Variants in C1orf21 observed in about 807,000 individuals in gnomAD.
C1orf21 encodes the protein uncharacterized protein C1orf21.
In C1orf21, 3 loss-of-function variants were observed where a neutral mutation model predicts 18.7. The ratio of observed to expected loss-of-function variants is 0.16; its 90% CI spans 0.07 to 0.42. The LOEUF (loss-of-function observed/expected upper bound fraction) is 0.42. Ranked by LOEUF, C1orf21 falls within the 10% of genes least tolerant of loss-of-function variation. The pLI is 0.99. For synonymous variants in C1orf21, 41 were observed against 46.4 expected (o/e 0.88, Z 0.47); for missense variants, 104 against 143.6 (o/e 0.72, Z 1.41).
intron 3 of C1orf21, chr1:184,566,988 A>G (rs755236792): frequency 1.2e-4 from 61 of 527,472 alleles, no homozygotes; most frequent in Non-Finnish European, 2.2e-4. Context: ...CCAGATGGCA[A>G]TCCAAAGACT....
chr1:184,583,029 G>A (rs955816657), intron 3 of C1orf21, among the ~76,000 whole-genome samples: 2 of 152,070 alleles, frequency 1.3e-5, no homozygotes, highest in African/African-American at 2.4e-5. Context: ...AGTAGAGGAG[G>A]GATTTCACCA....
intron 3 of C1orf21, among the ~76,000 whole-genome samples, chr1:184,515,269 A>G (rs1252006817): frequency 6.6e-6 from 1 of 152,226 alleles, no homozygotes; most frequent in African/African-American, 2.4e-5. Context: ...TTTTCAAGAA[A>G]ATATGAGTAT....
intron 1 of C1orf21, among the ~76,000 whole-genome samples, chr1:184,469,495 T>C (rs1411308789): frequency 1.3e-5 from 2 of 152,200 alleles, no homozygotes; most frequent in African/African-American, 4.8e-5. Flanking sequence ...ACACATGTGC[T>C]TTTCAGATGT....
At chr1:184,504,107 A>C (rs1235477908) in intron 2 of C1orf21, among the ~76,000 whole-genome samples, 2 of 152,150 alleles carry the variant, frequency 1.3e-5, no homozygotes, top group African/African-American at 4.8e-5. Flanking sequence ...AAAATGCTAA[A>C]AATATCACCC....
chr1:184,596,365 A>T (rs1659512714), intron 4 of C1orf21, among the ~76,000 whole-genome samples: 1 of 152,126 alleles, frequency 6.6e-6, no homozygotes, highest in Non-Finnish European at 1.5e-5. Context: ...GAACTTAAAT[A>T]GGGGGACTCT....
chr1:184,436,128 A>G (rs1333916000), intron 1 of C1orf21, among the ~76,000 whole-genome samples: 4 of 152,160 alleles, frequency 2.6e-5, no homozygotes, highest in South Asian at 2.1e-4. Flanking sequence ...GAGAAGGGAA[A>G]ATTGCAGAAG....
At chr1:184,452,130 A>T (rs181241667) in intron 1 of C1orf21, among the ~76,000 whole-genome samples, 59 of 152,328 alleles carry the variant, frequency 3.9e-4, no homozygotes, top group Admixed American at 1.8e-3. Context: ...TCCATGTGCA[A>T]TGTAGAAGTA....
At chr1:184,466,193 A>G (rs1429354352) in intron 1 of C1orf21, among the ~76,000 whole-genome samples, 1 of 152,232 alleles carries the variant, frequency 6.6e-6, no homozygotes. Context: ...GTGTTCTTTA[A>G]TAGTGTTTCA....
chr1:184,415,328 C>A (rs11809247), intron 1 of C1orf21, among the ~76,000 whole-genome samples: 1 of 152,282 alleles, frequency 6.6e-6, no homozygotes, highest in East Asian at 1.9e-4. Context: ...ACTCCTTACT[C>A]GGTAAGTGTC....
At chr1:184,477,070 T>C (rs1374490760) in intron 1 of C1orf21, among the ~76,000 whole-genome samples, 2 of 152,128 alleles carry the variant, frequency 1.3e-5, no homozygotes, top group Non-Finnish European at 2.9e-5. Flanking sequence ...ACAGGTACTT[T>C]AAGAGTATGT....
chr1:184,495,061 A>G (rs1437860889), intron 2 of C1orf21, among the ~76,000 whole-genome samples: 1 of 152,166 alleles, frequency 6.6e-6, no homozygotes. Context: ...GTGACATCTC[A>G]TTTCATTCAA....
intron 1 of C1orf21, among the ~76,000 whole-genome samples, chr1:184,471,971 A>G (rs572895351): frequency 3.3e-5 from 5 of 152,222 alleles, no homozygotes; most frequent in Admixed American, 6.5e-5. Flanking sequence ...AACGTTCACA[A>G]TGAAATGTGA....
At chr1:184,605,938 C>A (rs1411908412) in intron 5 of C1orf21, among the ~76,000 whole-genome samples, 1 of 152,150 alleles carries the variant, frequency 6.6e-6, no homozygotes, top group Non-Finnish European at 1.5e-5. Context: ...CTAAACCGAA[C>A]CTGAAAATGC....
At chr1:184,407,551 A>G (rs962837453) in intron 1 of C1orf21, among the ~76,000 whole-genome samples, 3 of 152,192 alleles carry the variant, frequency 2.0e-5, no homozygotes, top group African/African-American at 7.2e-5. Context: ...CAGCGTGTGC[A>G]TCTGTTAAAC....
intron 5 of C1orf21, among the ~76,000 whole-genome samples, chr1:184,600,817 CCT>C (rs1659575756): frequency 6.6e-6 from 1 of 152,180 alleles, no homozygotes; most frequent in East Asian, 1.9e-4. Context: ...TGCTTTCCTG[CCT>C]CTCCTCTCTT....
rs149564962 is a variant in C1orf21, at chr1:184,603,199, G to A, written c.327+4738G>A. 8.5e-3 allele frequency among the ~76,000 whole-genome samples: 1,294 copies of A among 152,364 alleles called. 20 individuals carry two copies. Among genetic ancestry groups the A allele is most frequent in the African/African-American group, 0.03 (1,239 of 41,588 alleles). On this transcript the variant is annotated intron_variant, in intron 5 of 5. Coordinates refer to ENST00000235307, the MANE Select transcript of C1orf21 (RefSeq NM_030806.4). ...ATCCAGGGCCCAGCTGCAGTCATGA[G>A]CATGCATGAGCCTAGCTGGCGACCC...
chr1:184,560,329 A>G (rs1658944286), intron 3 of C1orf21, among the ~76,000 whole-genome samples: 1 of 152,186 alleles, frequency 6.6e-6, no homozygotes, highest in Non-Finnish European at 1.5e-5. Context: ...GAACTTCTAG[A>G]AACCAAAGAA....
chr1:184,405,934 C>T (rs1656241111), intron 1 of C1orf21, among the ~76,000 whole-genome samples: 1 of 152,210 alleles, frequency 6.6e-6, no homozygotes. Context: ...ATATGTGTGC[C>T]TCTCCAAGCC....
rs548923009 is a variant in C1orf21, at chr1:184,521,773, G to T, written c.189+14091G>T. Among the ~76,000 whole-genome samples, 36 of 152,156 alleles carry T rather than the reference G, an allele frequency of 2.4e-4. No individual in the cohort carries two copies. The East Asian group carries it at 6.6e-3, about 28-fold the overall frequency. On this transcript the variant is annotated intron_variant, in intron 3 of 5. Transcript: ENST00000235307. Reference sequence around the variant, plus strand: ...ATAAATTAAAAACACAAACAAAAATGAAAGCCTGGGGATCTCGGTATAGAA... The same window carrying T: ...ATAAATTAAAAACACAAACAAAAATTAAAGCCTGGGGATCTCGGTATAGAA...
Sources: gnomAD v4.1 joint callset for allele counts (sites outside exome capture counted in the v4.1 genomes callset) on GRCh38, gnomAD v4.1.1 for gene constraint, MANE v1.5 for transcripts, NCBI Gene and HGNC (gene_info 2026-07-23, HGNC 2026-07-21) for gene names.